Variants in DOCK9 observed in about 807,000 individuals in gnomAD.
The protein encoded by DOCK9 is dedicator of cytokinesis 9, also known as dedicator of cytokinesis protein 9.
DOCK9 carries 89 observed loss-of-function variants against 263.3 expected under a neutral mutation model. The ratio of observed to expected loss-of-function variants is 0.34; its 90% confidence interval spans 0.28 to 0.40. The LOEUF (loss-of-function observed/expected upper bound fraction) is 0.40, where lower values mean the gene tolerates loss of function less well. DOCK9 is among the 10% of genes least tolerant of loss of function. The probability of loss-of-function intolerance (pLI) is 1.00; values close to 1 mark genes in which losing one functional copy is unlikely to be tolerated. For missense variants in DOCK9, 2,140 were observed against 2,603.4 expected, an observed-to-expected ratio of 0.82 and a Z score of 3.87; for synonymous variants, 976 against 973.1, an observed-to-expected ratio of 1.00 and a Z score of -0.06.
chr13:99,052,767 C>G (rs1010510331), intron 1 of DOCK9, among the ~76,000 whole-genome samples: 1 of 139,374 alleles, frequency 7.2e-6, no homozygotes. Context: ...CACCAGCCTT[C>G]TTTTTTTTTT....
chr13:99,009,499 T>C (rs1884087884), intron 1 of DOCK9, among the ~76,000 whole-genome samples: 1 of 152,102 alleles, frequency 6.6e-6, no homozygotes, highest in African/African-American at 2.4e-5. Context: ...TCGAGGCAGA[T>C]AAAACCGATA....
intron 33 of DOCK9, 45 bp downstream of exon 33, chr13:98,860,360 T>C: frequency 6.4e-7 from 1 of 1,554,122 alleles, no homozygotes; most frequent in Middle Eastern, 1.7e-4. Flanking sequence ...CAAGACACTT[T>C]CAGAGTGATG....
At position 98,988,459 on chromosome 13, in the gene DOCK9, T is replaced by C. The variant is rs1459459746; in HGVS notation, c.130-32908A>G. 3.9e-5 allele frequency among the ~76,000 whole-genome samples: 6 copies of C among 152,306 alleles called. No homozygotes were observed. The East Asian group carries it at 9.6e-4, about 24-fold the overall frequency. ...CCACCCTGAGACAGGTCTCTTATTT[T>C]ACAAAGGAGGACAGCGAGACACAGA... On this transcript the variant is annotated intron_variant, in intron 1 of 32. Transcript: ENST00000427887.
chr13:98,853,404 C>T lies in DOCK9; in HGVS notation c.3946+4G>A, dbSNP rs2093624718. The T allele has an allele frequency of 6.3e-7, 1 of 1,579,924 alleles. No individual in the cohort carries two copies. Among genetic ancestry groups the T allele is most frequent in the African/African-American group, 1.4e-5 (1 of 73,530 alleles). ...AAAACAGAAATCTCCATTTTTTAACCTACCATCAGACATGCTCTTTAAGAT... is the reference window on the plus strand; with the variant it reads ...AAAACAGAAATCTCCATTTTTTAACTTACCATCAGACATGCTCTTTAAGAT... On this transcript the variant is annotated splice_donor_region_variant and intron_variant, in intron 35 of 52. Coordinates refer to ENST00000682017, the MANE Select transcript of DOCK9 (RefSeq NM_001366683.2).
chr13:99,032,104 C>A (rs1218465042), intron 1 of DOCK9, among the ~76,000 whole-genome samples: 3 of 152,132 alleles, frequency 2.0e-5, no homozygotes, highest in South Asian at 2.1e-4. Flanking sequence ...CTGGAGGTCA[C>A]CAGGAGATCA....
At chr13:98,851,034 T>C (rs942204938) in intron 35 of DOCK9, among the ~76,000 whole-genome samples, 4 of 152,162 alleles carry the variant, frequency 2.6e-5, no homozygotes, top group African/African-American at 7.2e-5. Flanking sequence ...ACTCTACACT[T>C]GCCAAGAACA....
chr13:98,982,244 G>A (rs1013707494), upstream of DOCK9, among the ~76,000 whole-genome samples: 40 of 152,212 alleles, frequency 2.6e-4, no homozygotes, highest in African/African-American at 9.6e-4. Context: ...TGTTCCAAGG[G>A]CAATTTGTGA....
intron 1 of DOCK9, among the ~76,000 whole-genome samples, chr13:99,028,363 A>T (rs1369031466): frequency 6.6e-6 from 1 of 152,152 alleles, no homozygotes; most frequent in African/African-American, 2.4e-5. Flanking sequence ...CAACAGCAAA[A>T]GTTAATGGAA....
chr13:99,066,438 T>C (rs954196215), intron 1 of DOCK9, among the ~76,000 whole-genome samples: 1 of 152,250 alleles, frequency 6.6e-6, no homozygotes, highest in African/African-American at 2.4e-5. Context: ...TCATTTTCAA[T>C]TCTAAGGAAA....
At chr13:99,011,641 T>C (rs1043266125) in intron 1 of DOCK9, among the ~76,000 whole-genome samples, 1 of 152,224 alleles carries the variant, frequency 6.6e-6, no homozygotes, top group Non-Finnish European at 1.5e-5. Context: ...CTAGGAACTT[T>C]AGACATACTC....
intron 1 of DOCK9, among the ~76,000 whole-genome samples, chr13:99,061,879 GT>G (rs60512791): frequency 6.8e-6 from 1 of 147,752 alleles, no homozygotes; most frequent in Non-Finnish European, 1.5e-5. Flanking sequence ...TTTTGGTTTT[GT>G]TTTTTTTTTG....
intron 1 of DOCK9, among the ~76,000 whole-genome samples, chr13:99,071,195 T>G (rs1014741411): frequency 3.3e-5 from 5 of 151,800 alleles, no homozygotes; most frequent in Non-Finnish European, 5.9e-5. Flanking sequence ...CAGGCTGGAG[T>G]GCAGTGGTGT....
chr13:98,918,407 G>T (rs2051258204), intron 7 of DOCK9, among the ~76,000 whole-genome samples: 1 of 152,068 alleles, frequency 6.6e-6, no homozygotes, highest in Admixed American at 6.6e-5. Context: ...AGTCACACAT[G>T]CATTAGGCAT....
At chr13:98,909,230 G>A (rs1185462951) in intron 9 of DOCK9, among the ~76,000 whole-genome samples, 1 of 152,144 alleles carries the variant, frequency 6.6e-6, no homozygotes, top group African/African-American at 2.4e-5. Context: ...AACCAAGGGC[G>A]ATTCCCCCAC....
chr13:98,825,847 G>A lies in DOCK9; in HGVS notation c.5023+983C>T. ...CGTGACCAGGGCAGGGGGTCCCCGG[G>A]GGCTGGGCTGATCCTCAGGCTCACC... On this transcript the variant is annotated intron_variant, in intron 44 of 52. Transcript: ENST00000682017. This position sits in a 1 kb window ranked among gnomAD's most constrained non-coding sequence, Gnocchi z 4.1. 2.0e-6 allele frequency: 3 copies of A among 1,486,296 alleles called. 1 individual carries two copies. Among genetic ancestry groups the A allele is most frequent in the South Asian group, 1.4e-5 (1 of 72,336 alleles). The allele number at this position is 1,486,296 out of a possible 1,614,324, so 92.1% of individuals were successfully genotyped here. A position where few individuals can be genotyped will look rare whatever the true frequency, so the allele number is the denominator to read the frequency against.
At chr13:98,961,920 C>G (rs905036787) in intron 1 of DOCK9, among the ~76,000 whole-genome samples, 1 of 152,212 alleles carries the variant, frequency 6.6e-6, no homozygotes, top group Admixed American at 6.5e-5. Flanking sequence ...CCCAGGACTA[C>G]TTGGCGGTAT....
Position 98,986,154 on chromosome 13 carries a change from C to T in DOCK9, c.130-30603G>A, listed in dbSNP as rs1359427. 9.9e-5 allele frequency among the ~76,000 whole-genome samples: 15 copies of T among 152,184 alleles called. No individual in the cohort carries two copies. The South Asian group carries it at 1.2e-3, about 13-fold the overall frequency. ...CTGTCCAGCTCCCAAAGCAACCTAG[C>T]GGAAAACACAAATTGCCGCCCTTCA... On this transcript the variant is annotated intron_variant, in intron 1 of 32. Coordinates refer to the DOCK9 transcript ENST00000427887.
chr13:98,847,665 T>C (rs1381237745), intron 37 of DOCK9: 1 of 152,200 alleles, frequency 6.6e-6, no homozygotes, highest in Non-Finnish European at 1.5e-5. Context: ...CTCTGGCCTA[T>C]TTCATCACTA....
rs115268455 is a variant in DOCK9, at chr13:98,966,150, A to T, written c.127-10599T>A. Among the ~76,000 whole-genome samples, 572 of 152,356 alleles carry T rather than the reference A, an allele frequency of 3.8e-3. 2 individuals are homozygous for T. Among genetic ancestry groups the T allele is most frequent in the African/African-American group, 0.013 (550 of 41,576 alleles). On this transcript the variant is annotated intron_variant, in intron 1 of 52. Transcript: ENST00000682017. ...GAATGTCAATGAGGAGAGGAAGACA[A>T]GACGGGAATTTAGGAGACTTCCTCC...
Sources: allele counts gnomAD v4.1 joint callset (sites outside exome capture counted in the v4.1 genomes callset), GRCh38; gene constraint gnomAD v4.1.1; non-coding constraint Gnocchi (gnomAD v3.1); transcripts MANE v1.5; gene names NCBI Gene and HGNC (gene_info 2026-07-23, HGNC 2026-07-21).